Variants in TRDN observed in about 807,000 individuals in gnomAD.
TRDN encodes the protein triadin.
In TRDN, 161 loss-of-function variants were observed where a neutral mutation model predicts 149.7. The observed-to-expected ratio is 1.08, with a 90% CI of 0.95 to 1.23. The LOEUF is 1.23. Ranked by LOEUF, TRDN falls within the 50% of genes most tolerant of loss-of-function variation. TRDN has a pLI of 0.00. For missense variants in TRDN, 896 were observed against 823.5 expected, an observed-to-expected ratio of 1.09 and a Z score of -1.08; for synonymous variants, 294 against 250.5, an observed-to-expected ratio of 1.17 and a Z score of -1.64.
chr6:123,535,828 T>C (rs1320491175), intron 4 of TRDN, among the ~76,000 whole-genome samples: 1 of 152,146 alleles, frequency 6.6e-6, no homozygotes, highest in East Asian at 1.9e-4. Flanking sequence ...ATATGAAAGA[T>C]GTTATAAATC....
chr6:123,343,484 AT>A (rs1180571801), intron 21 of TRDN, among the ~76,000 whole-genome samples: 1 of 151,974 alleles, frequency 6.6e-6, no homozygotes, highest in Non-Finnish European at 1.5e-5. Context: ...AATTGAAGAA[AT>A]ATAATTGAAT....
At chr6:123,620,265 C>T (rs1262713962) in intron 1 of TRDN, among the ~76,000 whole-genome samples, 1 of 152,142 alleles carries the variant, frequency 6.6e-6, no homozygotes, top group Non-Finnish European at 1.5e-5. Flanking sequence ...GAACACAGAT[C>T]ACTAGGCCAT....
At chr6:123,576,990 C>A (rs59233823) in intron 1 of TRDN, among the ~76,000 whole-genome samples, 33,403 of 151,776 alleles carry the variant, frequency 0.22, 4,295 homozygotes, top group East Asian at 0.51. Flanking sequence ...AAGAAAATGC[C>A]AACTTCATAA....
chr6:123,506,258 AC>A (rs1778916841), intron 7 of TRDN, among the ~76,000 whole-genome samples: 1 of 152,110 alleles, frequency 6.6e-6, no homozygotes, highest in Admixed American at 6.6e-5. Flanking sequence ...TAATAAAACT[AC>A]CTGAATAAAT....
At chr6:123,361,342 G>A (rs1201748248) in intron 20 of TRDN, among the ~76,000 whole-genome samples, 1 of 152,070 alleles carries the variant, frequency 6.6e-6, no homozygotes, top group Non-Finnish European at 1.5e-5. Flanking sequence ...TGAGAACAGG[G>A]AGGGGAACAT....
At chr6:123,595,364 G>A (rs756573157) in intron 1 of TRDN, among the ~76,000 whole-genome samples, 7 of 151,916 alleles carry the variant, frequency 4.6e-5, no homozygotes, top group African/African-American at 7.2e-5. Context: ...CAGACTGTAC[G>A]ATCTAAAGCA....
chr6:123,346,388 T>C (rs1435706403), intron 21 of TRDN, among the ~76,000 whole-genome samples: 1 of 152,094 alleles, frequency 6.6e-6, no homozygotes, highest in Non-Finnish European at 1.5e-5. Flanking sequence ...TAATTCTTTT[T>C]ATGTATTGTT....
chr6:123,328,952 G>C (rs751588090), intron 23 of TRDN, among the ~76,000 whole-genome samples: 3 of 152,132 alleles, frequency 2.0e-5, no homozygotes, highest in Admixed American at 1.3e-4. Context: ...TTTCAACCAA[G>C]TAAATGTTTC....
chr6:123,574,689 GT>G (rs1460481110), intron 1 of TRDN, among the ~76,000 whole-genome samples: 1 of 151,596 alleles, frequency 6.6e-6, no homozygotes, highest in Non-Finnish European at 1.5e-5. Context: ...CAGATTCACT[GT>G]ATTGAGTTGT....
intron 38 of TRDN, among the ~76,000 whole-genome samples, chr6:123,237,375 G>A (rs553896070): frequency 1.3e-4 from 19 of 151,980 alleles, no homozygotes; most frequent in African/African-American, 4.1e-4. Context: ...TCAGCTTCCC[G>A]AGTGGCTGGG....
At chr6:123,601,028 C>G (rs1784251924) in intron 1 of TRDN, among the ~76,000 whole-genome samples, 2 of 151,896 alleles carry the variant, frequency 1.3e-5, no homozygotes, top group Admixed American at 6.6e-5. Flanking sequence ...TTGTATCTAC[C>G]TAATTCCTTA....
intron 24 of TRDN, among the ~76,000 whole-genome samples, chr6:123,304,024 G>C (rs1468054897): frequency 6.6e-6 from 1 of 152,034 alleles, no homozygotes; most frequent in Non-Finnish European, 1.5e-5. Flanking sequence ...AGAAAGAAGA[G>C]TTGTAAATGA....
intron 4 of TRDN, among the ~76,000 whole-genome samples, chr6:123,544,531 A>G (rs1781020254): frequency 6.6e-6 from 1 of 152,056 alleles, no homozygotes; most frequent in African/African-American, 2.4e-5. Context: ...CATGATGTAT[A>G]CCCTGGTGTG....
At chr6:123,373,388 G>A (rs1272244521) in intron 19 of TRDN, among the ~76,000 whole-genome samples, 1 of 152,106 alleles carries the variant, frequency 6.6e-6, no homozygotes, top group Non-Finnish European at 1.5e-5. Context: ...TGGCCATGTG[G>A]GGCTGTCAGT....
intron 10 of TRDN, chr6:123,457,415 T>C (rs970619803): frequency 5.9e-6 from 2 of 336,478 alleles, no homozygotes; most frequent in South Asian, 2.6e-5. Context: ...TCACAAAAGG[T>C]CTTTTTAATA....
At chr6:123,542,612 T>TA (rs1454014512) in intron 4 of TRDN, among the ~76,000 whole-genome samples, 1 of 152,162 alleles carries the variant, frequency 6.6e-6, no homozygotes, top group Non-Finnish European at 1.5e-5. Context: ...GAATAAACTG[T>TA]AAAAAGGAGA....
At chr6:123,289,680 C>G (rs905083550) in intron 24 of TRDN, among the ~76,000 whole-genome samples, 1 of 152,126 alleles carries the variant, frequency 6.6e-6, no homozygotes, top group African/African-American at 2.4e-5. Flanking sequence ...CCTTAATCTT[C>G]ATGCAATTGA....
At chr6:123,220,647 G>A (rs1326903960) in intron 40 of TRDN, among the ~76,000 whole-genome samples, 6 of 151,748 alleles carry the variant, frequency 4.0e-5, no homozygotes, top group African/African-American at 1.5e-4. Context: ...TTCAGTATCT[G>A]TCTAATGAAT....
chr6:123,618,910 A>T (rs1785238860), intron 1 of TRDN, among the ~76,000 whole-genome samples: 1 of 152,120 alleles, frequency 6.6e-6, no homozygotes, highest in Admixed American at 6.6e-5. Context: ...CCAGTAACTC[A>T]AACATTTTAT....
Sources: gnomAD v4.1 joint callset for allele counts (sites outside exome capture counted in the v4.1 genomes callset) on GRCh38, gnomAD v4.1.1 for gene constraint, MANE v1.5 for transcripts, NCBI Gene and HGNC (gene_info 2026-07-23, HGNC 2026-07-21) for gene names.